Variants in TRRAP observed in about 807,000 individuals in gnomAD.
TRRAP encodes transformation/transcription domain-associated protein.
Under a neutral mutation model 438.8 loss-of-function variants are expected in TRRAP, and 41 were observed. The observed-to-expected ratio is 0.09, with a 90% CI of 0.07 to 0.12. The LOEUF is 0.12. TRRAP is among the 10% of genes least tolerant of loss of function. TRRAP has a pLI of 1.00. For missense variants in TRRAP, 3,122 were observed against 5,055.1 expected (o/e 0.62, Z 11.60); for synonymous variants, 1,994 against 1,962.9 (o/e 1.02, Z -0.42).
intron 1 of TRRAP, among the ~76,000 whole-genome samples, chr7:98,879,116 GCGCC>G (rs1795302716): frequency 1.3e-5 from 2 of 152,324 alleles, no homozygotes; most frequent in Admixed American, 1.3e-4. Flanking sequence ...TGGCCCGGCG[GCGCC>G]GCCTCAGGCC....
At chr7:98,952,304 T>G (rs1185633360) in intron 39 of TRRAP, among the ~76,000 whole-genome samples, 4 of 152,174 alleles carry the variant, frequency 2.6e-5, no homozygotes, top group Non-Finnish European at 4.4e-5. Context: ...CTGCAACAAT[T>G]TTTTGAACGT....
At chr7:98,970,863 C>T (rs1270563696) in intron 52 of TRRAP, among the ~76,000 whole-genome samples, 2 of 152,198 alleles carry the variant, frequency 1.3e-5, no homozygotes, top group Non-Finnish European at 2.9e-5. Context: ...GGACGGGCAG[C>T]AGGGAGCCTT....
intron 50 of TRRAP, 77 bp downstream of exon 50, chr7:98,967,239 G>A: frequency 2.6e-6 from 4 of 1,529,506 alleles, no homozygotes; most frequent in Middle Eastern, 1.7e-4. Context: ...ATGCAGCCAT[G>A]ATTTTAATCT....
At chr7:98,930,341 C>T (rs1014154323) in intron 24 of TRRAP, 135 bp downstream of exon 24, 1 of 1,153,024 alleles carries the variant, frequency 8.7e-7, no homozygotes, top group Non-Finnish European at 1.2e-6. Flanking sequence ...CTTTGAGAGG[C>T]CAAGGCGGGC....
Position 99,012,405 on chromosome 7 carries a change from G to A in TRRAP, c.*50G>A, listed in dbSNP as rs376021947. 1.3e-6 allele frequency: 2 copies of A among 1,520,634 alleles called. No homozygotes were observed. The highest frequency in any genetic ancestry group is 4.1e-5 in the Admixed American group (2 of 48,268). The allele number at this position is 1,520,634 out of a possible 1,614,324, so 94.2% of individuals were successfully genotyped here. The stretch of plus-strand genomic sequence containing the variant: ...ATGTGAAGGGCGCTCCGGGCTCTGA[G>A]CCCGCAGCTTTTACGACTTCTCCCT... On this transcript the variant is annotated 3_prime_UTR_variant, in exon 73 of 73. Transcript: ENST00000456197. This position sits in a 1 kb window ranked among gnomAD's most constrained non-coding sequence, Gnocchi z 5.9.
chr7:98,996,119 A>G (rs1192287652), intron 67 of TRRAP, among the ~76,000 whole-genome samples: 1 of 149,998 alleles, frequency 6.7e-6, no homozygotes, highest in Non-Finnish European at 1.5e-5. Context: ...CGTCCCATCT[A>G]CTTACCCTCA....
At chr7:98,969,964 T>C (rs1792336656) in intron 51 of TRRAP, 148 bp from the exon 52 acceptor site, 1 of 883,248 alleles carries the variant, frequency 1.1e-6, no homozygotes, top group Non-Finnish European at 1.7e-6. Flanking sequence ...GCCCGTCTGG[T>C]TGGGGACAGG....
chr7:98,934,699 C>A (rs1554413830), intron 27 of TRRAP, among the ~76,000 whole-genome samples: 1 of 152,190 alleles, frequency 6.6e-6, no homozygotes, highest in South Asian at 2.1e-4. Context: ...CTGAAAGCTT[C>A]CCAGGTGATG....
At chr7:98,971,734 G>T in intron 52 of TRRAP, 65 bp from the exon 53 acceptor site, 2 of 1,558,208 alleles carry the variant, frequency 1.3e-6, no homozygotes, top group Non-Finnish European at 1.7e-6. Context: ...CCTACAGGAG[G>T]TGTGTTTGTT....
chr7:98,990,506 G>A lies in TRRAP; in HGVS notation c.9643G>A (p.Val3215Ile), dbSNP rs769590951. 6.8e-6 allele frequency: 11 copies of A among 1,614,020 alleles called. No individual in the cohort carries two copies. The South Asian group carries it at 9.9e-5, about 14-fold the overall frequency. The stretch of plus-strand genomic sequence containing the variant: ...TGACAAAAACACTTTGGCAGATGCC[G>A]TCGACAAGTACTGCATTGGTGTGCC... ...DDDKNTLADA[V>I]DKYCIGVPPI... The change falls in exon 64 of 73, where the codon GTC becomes ATC. Residue 3215 changes from valine (V) to isoleucine (I), a missense_variant. Val to Ile is a conservative substitution (Grantham distance 29). Transcript: ENST00000456197.
intron 26 of TRRAP, 84 bp downstream of exon 26, chr7:98,931,749 G>A (rs1349873397): frequency 6.5e-6 from 10 of 1,540,496 alleles, no homozygotes; most frequent in East Asian, 2.3e-5. Context: ...GTGATACTCC[G>A]TTTATAATTT....
intron 13 of TRRAP, among the ~76,000 whole-genome samples, chr7:98,907,975 G>A (rs2116393825): frequency 6.6e-6 from 1 of 152,356 alleles, no homozygotes; most frequent in East Asian, 1.9e-4. Context: ...ACTTCAGGCA[G>A]TTACCACCTC....
intron 39 of TRRAP, among the ~76,000 whole-genome samples, chr7:98,951,557 C>T (rs1237277214): frequency 1.3e-5 from 2 of 152,148 alleles, no homozygotes; most frequent in African/African-American, 2.4e-5. Flanking sequence ...GTTATTTCCC[C>T]AAGGTTTACT....
At chr7:98,969,283 C>A (rs1490286094) in intron 51 of TRRAP, among the ~76,000 whole-genome samples, 1 of 152,230 alleles carries the variant, frequency 6.6e-6, no homozygotes, top group Non-Finnish European at 1.5e-5. Flanking sequence ...CTGCCTCTCT[C>A]TGCATCCCCA....
At chr7:98,998,014 C>G (rs1233830759) in intron 67 of TRRAP, among the ~76,000 whole-genome samples, 2 of 152,136 alleles carry the variant, frequency 1.3e-5, no homozygotes, top group African/African-American at 4.8e-5. Flanking sequence ...CTAAACGGCT[C>G]CCTCCAAAGA....
In TRRAP at chr7:98,886,444, CTAGA is replaced by C. The variant is rs531878815; in HGVS notation, c.151-3884_151-3881del. Among the ~76,000 whole-genome samples, 772 of 142,256 alleles carry C rather than the reference CTAGA, an allele frequency of 5.4e-3. 15 individuals carry two copies. Among genetic ancestry groups the C allele is most frequent in the African/African-American group, 0.018 (682 of 38,736 alleles). The allele number at this position is 142,256 out of a possible 152,430, so 93.3% of individuals were successfully genotyped here. ...TGGATATCTAGAGAGATATAGATATCTAGATAGATATAGATATCTAGAGAGATAG... is the reference window on the plus strand; with the variant it reads ...TGGATATCTAGAGAGATATAGATATCTAGATATAGATATCTAGAGAGATAG... On this transcript the variant is annotated intron_variant, in intron 3 of 72. Transcript: ENST00000456197.
chr7:98,910,546 A>G lies in TRRAP; in HGVS notation c.1751A>G (p.Lys584Arg), dbSNP rs1554408568. ...ATTCCCAACAAGCAGTTACAACCCA[A>G]AGAGACACAGATTTACATCAAACTT... The part of the protein sequence containing the change: ...QFIPNKQLQP[K>R]ETQIYIKLVK... The change falls in exon 16 of 73, where the codon AAA becomes AGA. Residue 584 changes from lysine (K) to arginine (R), a missense_variant. Lys to Arg is a conservative substitution (Grantham distance 26). Coordinates refer to ENST00000456197, the MANE Select transcript of TRRAP (RefSeq NM_001375524.1). 1.2e-6 allele frequency: 2 copies of G among 1,614,008 alleles called. No individual in the cohort carries two copies. The highest frequency in any genetic ancestry group is 1.3e-5 in the African/African-American group (1 of 74,920).
Position 98,981,876 on chromosome 7 carries a change from G to C in TRRAP, c.8742G>C (p.Leu2914=), listed in dbSNP as rs1055645818. The C allele has an allele frequency of 8.7e-6, 14 of 1,609,398 alleles. No individual in the cohort carries two copies. Among genetic ancestry groups the C allele is most frequent in the Non-Finnish European group, 1.2e-5 (14 of 1,178,672 alleles). The change falls in exon 59 of 73, where the codon CTG becomes CTC. Residue 2914 remains leucine (L), a synonymous_variant. Coordinates refer to ENST00000456197, the MANE Select transcript of TRRAP (RefSeq NM_001375524.1). ...AGCAGCTCAGCTTCATCGAGCGCCT[G>C]GTGGAGATGGCCAGCAGCCTGGCCA... is the stretch of plus-strand genomic sequence containing the variant. ...EEQQLSFIER[L]VEMASSLAIR...
chr7:98,959,323 G>A (rs760335515), intron 44 of TRRAP, 21 bp from the exon 45 acceptor site: 3 of 1,611,976 alleles, frequency 1.9e-6, no homozygotes, highest in South Asian at 1.1e-5. Context: ...AATGCCGGCT[G>A]TAACTCGGAT....
Sources: gnomAD v4.1 joint callset for allele counts (sites outside exome capture counted in the v4.1 genomes callset) on GRCh38, gnomAD v4.1.1 for gene constraint, Gnocchi (gnomAD v3.1) non-coding constraint, MANE v1.5 for transcripts, NCBI Gene and HGNC (gene_info 2026-07-23, HGNC 2026-07-21) for gene names.